The following GALNT13 variants were observed in gnomAD, a reference collection of about 807,000 sequenced individuals.
GALNT13 encodes UDP-GalNAc:polypeptide N-acetylgalactosaminyltransferase 13.
GALNT13 carries 28 observed loss-of-function variants against 64.2 expected under a neutral mutation model. That is an observed-to-expected ratio of 0.44 (90% CI 0.32 to 0.60). The LOEUF is 0.60. GALNT13 is among the 20% of genes least tolerant of loss of function. GALNT13 has a pLI of 0.05. For synonymous variants in GALNT13, 214 were observed against 224.6 expected (o/e 0.95, Z 0.42); for missense variants, 577 against 669.8 (o/e 0.86, Z 1.53).
At chr2:153,332,531 A>G in the GALNT13 span, among the ~76,000 whole-genome samples, 166 of 93,766 alleles carry the variant, frequency 1.8e-3, no homozygotes, top group African/African-American at 6.1e-3. Context: ...GCCTGAGAGT[A>G]TTGTTTTTTT....
the GALNT13 span, among the ~76,000 whole-genome samples, chr2:153,511,777 A>G: frequency 6.6e-6 from 1 of 152,224 alleles, no homozygotes; most frequent in Non-Finnish European, 1.5e-5. Context: ...GTGAGTATAA[A>G]GAAGTATTTA....
the GALNT13 span, among the ~76,000 whole-genome samples, chr2:153,386,004 T>G: frequency 6.6e-6 from 1 of 152,074 alleles, no homozygotes; most frequent in African/African-American, 2.4e-5. Context: ...AATTTCTTGC[T>G]TCTGGGAATT....
At chr2:153,223,979 A>G in the GALNT13 span, among the ~76,000 whole-genome samples, 3 of 152,072 alleles carry the variant, frequency 2.0e-5, no homozygotes, top group South Asian at 6.2e-4. Flanking sequence ...CAAAAAAATA[A>G]AAATAAATAA....
At chr2:153,625,012 T>G in the GALNT13 span, among the ~76,000 whole-genome samples, 1 of 152,068 alleles carries the variant, frequency 6.6e-6, no homozygotes, top group Non-Finnish European at 1.5e-5. Context: ...AGAATAGAAT[T>G]GATGTATTTG....
At chr2:153,568,583 C>A in the GALNT13 span, among the ~76,000 whole-genome samples, 1 of 152,108 alleles carries the variant, frequency 6.6e-6, no homozygotes, top group African/African-American at 2.4e-5. Flanking sequence ...AATAAAAGTA[C>A]AATTTTTTAA....
chr2:153,317,682 C>G, the GALNT13 span, among the ~76,000 whole-genome samples: 1 of 151,882 alleles, frequency 6.6e-6, no homozygotes, highest in African/African-American at 2.4e-5. Flanking sequence ...TTAAAACTTT[C>G]AGTAAAGTGT....
chr2:153,574,862 G>T, the GALNT13 span, among the ~76,000 whole-genome samples: 1 of 151,768 alleles, frequency 6.6e-6, no homozygotes, highest in African/African-American at 2.4e-5. Flanking sequence ...TGCTTGGATT[G>T]GGCCCTGCTG....
At chr2:154,332,109 C>G (rs920780427) in intron 9 of GALNT13, among the ~76,000 whole-genome samples, 1 of 152,054 alleles carries the variant, frequency 6.6e-6, no homozygotes, top group Non-Finnish European at 1.5e-5. Context: ...GATAGCAATC[C>G]AGACACACTT....
the GALNT13 span, among the ~76,000 whole-genome samples, chr2:153,436,735 G>C: frequency 6.6e-6 from 1 of 151,850 alleles, no homozygotes; most frequent in Non-Finnish European, 1.5e-5. Flanking sequence ...TATTAGTCTT[G>C]CTAACAGTCT....
intron 3 of GALNT13, among the ~76,000 whole-genome samples, chr2:154,087,808 T>C (rs1474196439): frequency 6.6e-6 from 1 of 151,874 alleles, no homozygotes; most frequent in East Asian, 1.9e-4. Flanking sequence ...TACTATTTTC[T>C]TGGAATATAA....
intron 2 of GALNT13, among the ~76,000 whole-genome samples, chr2:153,903,799 G>A (rs761075678): frequency 6.6e-6 from 1 of 151,502 alleles, no homozygotes; most frequent in African/African-American, 2.4e-5. Context: ...GAATTTTTAC[G>A]CATTAAGGAG....
intron 2 of GALNT13, among the ~76,000 whole-genome samples, chr2:153,925,916 C>A (rs757852605): frequency 2.0e-4 from 30 of 152,180 alleles, no homozygotes; most frequent in Non-Finnish European, 2.6e-4. Context: ...TATCCTGAAA[C>A]TTTGCTGAAG....
At chr2:154,317,441 G>A (rs1418204768) in intron 9 of GALNT13, among the ~76,000 whole-genome samples, 1 of 152,072 alleles carries the variant, frequency 6.6e-6, no homozygotes, top group Non-Finnish European at 1.5e-5. Flanking sequence ...ATCTTTTAGC[G>A]ATGTTCTAGT....
chr2:154,054,928 T>C (rs577982368), intron 3 of GALNT13, among the ~76,000 whole-genome samples: 87 of 152,176 alleles, frequency 5.7e-4, no homozygotes, highest in African/African-American at 1.7e-3. Flanking sequence ...GCCACACAAC[T>C]TGTTCAGTGT....
chr2:153,584,328 TC>T, the GALNT13 span, among the ~76,000 whole-genome samples: 26 of 152,246 alleles, frequency 1.7e-4, 1 homozygote, highest in Non-Finnish European at 2.9e-4. Context: ...GTATTCAGGT[TC>T]TTGGGTGTTT....
chr2:153,775,904 T>C, the GALNT13 span, among the ~76,000 whole-genome samples: 2 of 152,170 alleles, frequency 1.3e-5, no homozygotes, highest in Non-Finnish European at 2.9e-5. Flanking sequence ...TTTCTTTTTT[T>C]AATCTGCTTT....
At chr2:154,431,053 T>C (rs893089404) in intron 11 of GALNT13, among the ~76,000 whole-genome samples, 22 of 152,264 alleles carry the variant, frequency 1.4e-4, no homozygotes, top group African/African-American at 5.3e-4. Context: ...GATACTTGTT[T>C]TATTATAGTG....
chr2:153,260,950 A>C, the GALNT13 span, among the ~76,000 whole-genome samples: 1 of 151,950 alleles, frequency 6.6e-6, no homozygotes. Context: ...CAAGCTCACT[A>C]ATTCTTTTTC....
chr2:154,077,084 A>G (rs1432222203), intron 3 of GALNT13, among the ~76,000 whole-genome samples: 2 of 151,684 alleles, frequency 1.3e-5, no homozygotes, highest in Admixed American at 1.3e-4. Context: ...AACAAAACAC[A>G]CTAGGAATTT....
Sources: allele counts gnomAD v4.1 joint callset (sites outside exome capture counted in the v4.1 genomes callset), GRCh38; gene constraint gnomAD v4.1.1; transcripts MANE v1.5; gene names NCBI Gene and HGNC (gene_info 2026-07-23, HGNC 2026-07-21).